The following ZNF385D variants were observed in gnomAD, a reference collection of about 807,000 sequenced individuals.
ZNF385D encodes the protein zinc finger protein 659.
ZNF385D carries 15 observed loss-of-function variants against 35.8 expected under a neutral mutation model. The observed-to-expected ratio is 0.42, with a 90% CI of 0.28 to 0.64. The LOEUF is 0.64. Ranked by LOEUF, ZNF385D falls within the 30% of genes least tolerant of loss-of-function variation. ZNF385D has a pLI of 0.23. For missense variants in ZNF385D, 474 were observed against 494.6 expected (o/e 0.96, Z 0.39); for synonymous variants, 212 against 186.8 (o/e 1.13, Z -1.10).
At chr3:21,540,340 T>C (rs1334107150) in intron 3 of ZNF385D, among the ~76,000 whole-genome samples, 1 of 152,216 alleles carries the variant, frequency 6.6e-6, no homozygotes, top group African/African-American at 2.4e-5. Flanking sequence ...ATGTAAATGA[T>C]AAAACCATCG....
Position 21,468,579 on chromosome 3 carries a change from CAT to C in ZNF385D, c.440-31378_440-31377del, listed in dbSNP as rs553734587. ...GAAAAATGAACAGACACATAAACAA[CAT>C]GTATGAACCTCAAAACCCTATGTTG... On this transcript the variant is annotated intron_variant, in intron 4 of 7. Coordinates refer to ENST00000281523, the MANE Select transcript of ZNF385D (RefSeq NM_024697.3). 4.6e-5 allele frequency among the ~76,000 whole-genome samples: 7 copies of C among 152,072 alleles called. No individual in the cohort carries two copies. The South Asian group carries it at 1.5e-3, about 32-fold the overall frequency.
At chr3:21,647,957 G>A (rs1448755329) in intron 2 of ZNF385D, among the ~76,000 whole-genome samples, 1 of 152,074 alleles carries the variant, frequency 6.6e-6, no homozygotes, top group East Asian at 1.9e-4. Flanking sequence ...TTATTTTAAA[G>A]CAGTTTTTCT....
intron 3 of ZNF385D, among the ~76,000 whole-genome samples, chr3:21,934,109 G>C (rs1163537493): frequency 6.6e-6 from 1 of 152,068 alleles, no homozygotes; most frequent in Non-Finnish European, 1.5e-5. Flanking sequence ...ATGCTTTTCA[G>C]CCAAGGGAAA....
chr3:21,426,678 A>G (rs1459978220), intron 5 of ZNF385D, among the ~76,000 whole-genome samples: 3 of 152,116 alleles, frequency 2.0e-5, no homozygotes, highest in Admixed American at 1.3e-4. Flanking sequence ...AATGGATTAG[A>G]TTGTACGTTC....
At chr3:21,651,769 C>T (rs1575399914) in intron 2 of ZNF385D, among the ~76,000 whole-genome samples, 1 of 152,076 alleles carries the variant, frequency 6.6e-6, no homozygotes, top group African/African-American at 2.4e-5. Context: ...GCCCAGTGCT[C>T]ATCTAAAAAC....
chr3:21,432,494 G>A (rs1001967393), intron 5 of ZNF385D, among the ~76,000 whole-genome samples: 4 of 151,920 alleles, frequency 2.6e-5, no homozygotes, highest in East Asian at 1.9e-4. Context: ...AACTATAAAC[G>A]ATCTCAAAGG....
chr3:22,290,769 G>A (rs1393636433), intron 2 of ZNF385D, among the ~76,000 whole-genome samples: 1 of 152,118 alleles, frequency 6.6e-6, no homozygotes, highest in Non-Finnish European at 1.5e-5. Context: ...ATTGATCTGT[G>A]TGTAGATGTT....
chr3:21,639,088 A>G (rs531664755), intron 2 of ZNF385D, among the ~76,000 whole-genome samples: 1 of 152,140 alleles, frequency 6.6e-6, no homozygotes, highest in African/African-American at 2.4e-5. Context: ...CTAGAATTTC[A>G]GAACCTAGGG....
chr3:21,864,972 C>T (rs1040998147), intron 3 of ZNF385D, among the ~76,000 whole-genome samples: 1 of 122,126 alleles, frequency 8.2e-6, no homozygotes, highest in Non-Finnish European at 1.6e-5. Flanking sequence ...GAGCAGCCAA[C>T]CTACGTTTGG....
At chr3:21,626,194 A>G (rs1283735086) in intron 2 of ZNF385D, among the ~76,000 whole-genome samples, 5 of 152,070 alleles carry the variant, frequency 3.3e-5, no homozygotes, top group Non-Finnish European at 7.4e-5. Context: ...GGTCCAAGAT[A>G]TGTCAGAGGC....
At chr3:21,601,752 C>A (rs927676394) in intron 2 of ZNF385D, among the ~76,000 whole-genome samples, 1 of 152,120 alleles carries the variant, frequency 6.6e-6, no homozygotes, top group African/African-American at 2.4e-5. Flanking sequence ...GACATCGTCA[C>A]CCTTTGAGAT....
At chr3:21,480,963 GATA>G (rs1704588569) in intron 4 of ZNF385D, among the ~76,000 whole-genome samples, 1 of 152,114 alleles carries the variant, frequency 6.6e-6, no homozygotes, top group Non-Finnish European at 1.5e-5. Context: ...TATCACATAT[GATA>G]ATCTTTAAAC....
chr3:21,947,636 C>A (rs1162808719), intron 3 of ZNF385D, among the ~76,000 whole-genome samples: 1 of 152,190 alleles, frequency 6.6e-6, no homozygotes. Flanking sequence ...AGGCGTGAGC[C>A]ACCGCGCCCG....
chr3:22,206,346 C>T (rs1407933492), intron 2 of ZNF385D, among the ~76,000 whole-genome samples: 1 of 151,872 alleles, frequency 6.6e-6, no homozygotes, highest in Non-Finnish European at 1.5e-5. Context: ...ACTTCAACAT[C>T]CCACTGTCTG....
chr3:22,044,912 T>C (rs1411407340), intron 3 of ZNF385D, among the ~76,000 whole-genome samples: 3 of 152,036 alleles, frequency 2.0e-5, no homozygotes, highest in Non-Finnish European at 4.4e-5. Context: ...TTTGCTGTAA[T>C]TGGAAGTATG....
intron 3 of ZNF385D, among the ~76,000 whole-genome samples, chr3:21,782,007 G>T (rs774013112): frequency 6.6e-6 from 1 of 151,994 alleles, no homozygotes. Flanking sequence ...TGGCTTTCCC[G>T]CCTCCACTAG....
intron 3 of ZNF385D, among the ~76,000 whole-genome samples, chr3:22,102,896 G>GGAA (rs1559370511): frequency 1.2e-4 from 12 of 97,676 alleles, no homozygotes; most frequent in African/African-American, 6.6e-4. Context: ...ATTTATCAGG[G>GGAA]AAAAAAAAAA....
intron 1 of ZNF385D, among the ~76,000 whole-genome samples, chr3:21,727,142 C>G (rs1279056518): frequency 6.6e-6 from 1 of 152,098 alleles, no homozygotes; most frequent in Non-Finnish European, 1.5e-5. Flanking sequence ...AAACTGGACC[C>G]CTTTCTTACA....
intron 3 of ZNF385D, among the ~76,000 whole-genome samples, chr3:21,990,529 G>A (rs1021439391): frequency 3.9e-5 from 6 of 152,006 alleles, no homozygotes; most frequent in Non-Finnish European, 8.8e-5. Flanking sequence ...GAGTTAATAT[G>A]TATTTCTATT....
Sources: allele counts gnomAD v4.1 joint callset (sites outside exome capture counted in the v4.1 genomes callset), GRCh38; gene constraint gnomAD v4.1.1; transcripts MANE v1.5; gene names NCBI Gene and HGNC (gene_info 2026-07-23, HGNC 2026-07-21).